The following SLC36A1 variants were observed in gnomAD, a reference collection of about 807,000 sequenced individuals.
SLC36A1 encodes proton-coupled amino acid transporter 1.
Under a neutral mutation model 47.5 loss-of-function variants are expected in SLC36A1, and 30 were observed. That is an observed-to-expected ratio of 0.63 (90% CI 0.47 to 0.86). The LOEUF (loss-of-function observed/expected upper bound fraction) is 0.86. SLC36A1 is among the 40% of genes least tolerant of loss of function. The pLI is 0.00. For synonymous variants in SLC36A1, 255 were observed against 249.7 expected (o/e 1.02, Z -0.20); for missense variants, 517 against 606.0 (o/e 0.85, Z 1.54).
intron 10 of SLC36A1, chr5:151,480,128 A>G (rs957405137): frequency 1.4e-6 from 2 of 1,464,988 alleles, no homozygotes; most frequent in Admixed American, 2.9e-5. Context: ...AGAAAATAAA[A>G]GTAAATTTTT....
chr5:151,534,737 A>C, the SLC36A1 span: 3 of 1,088,084 alleles, frequency 2.8e-6, no homozygotes, highest in African/African-American at 1.6e-5. Flanking sequence ...ACCCAGCCAC[A>C]CAGAGTTTTG....
chr5:151,351,242 A>G, the SLC36A1 span, among the ~76,000 whole-genome samples: 52 of 152,256 alleles, frequency 3.4e-4, no homozygotes, highest in Non-Finnish European at 6.3e-4. Flanking sequence ...AGGAGAAGGA[A>G]CACAGTGAGT....
At chr5:151,347,535 G>C in the SLC36A1 span, 5 of 1,568,294 alleles carry the variant, frequency 3.2e-6, no homozygotes, top group Non-Finnish European at 4.4e-6. Flanking sequence ...AAGGTGTCTA[G>C]TGTAGATGTA....
the SLC36A1 span, chr5:151,510,205 G>A: frequency 2.9e-5 from 46 of 1,611,706 alleles, no homozygotes; most frequent in African/African-American, 1.3e-4. Flanking sequence ...GTGAGAGACC[G>A]CACTGGCCTA....
At chr5:151,417,608 T>G in the SLC36A1 span, among the ~76,000 whole-genome samples, 1 of 152,182 alleles carries the variant, frequency 6.6e-6, no homozygotes, top group South Asian at 2.1e-4. Flanking sequence ...AGCAAAGCAC[T>G]CAAGAGGTAA....
chr5:151,549,978 C>T, the SLC36A1 span, among the ~76,000 whole-genome samples: 3 of 152,124 alleles, frequency 2.0e-5, no homozygotes, highest in African/African-American at 4.8e-5. Flanking sequence ...ATCTTTAAGA[C>T]AGGAGGCCAG....
the SLC36A1 span, among the ~76,000 whole-genome samples, chr5:151,386,718 A>G: frequency 6.6e-6 from 1 of 152,116 alleles, no homozygotes; most frequent in African/African-American, 2.4e-5. Flanking sequence ...ACAGAAAACA[A>G]TTGGTGGAAA....
chr5:151,403,612 T>C, the SLC36A1 span, among the ~76,000 whole-genome samples: 2 of 152,192 alleles, frequency 1.3e-5, no homozygotes, highest in Non-Finnish European at 2.9e-5. Flanking sequence ...ATAAAACCTT[T>C]CTTCTTAAAA....
chr5:151,431,121 C>G, the SLC36A1 span: 4 of 152,124 alleles, frequency 2.6e-5, no homozygotes, highest in Admixed American at 6.5e-5. Context: ...ATTATTTTTG[C>G]TACTAACACA....
downstream of SLC36A1, among the ~76,000 whole-genome samples, chr5:151,494,906 A>G (rs1760294619): frequency 6.6e-6 from 1 of 152,068 alleles, no homozygotes; most frequent in Non-Finnish European, 1.5e-5. Context: ...GCTCAAATAT[A>G]CTCTATATTT....
intron 1 of SLC36A1, among the ~76,000 whole-genome samples, chr5:151,457,435 T>C (rs1045216299): frequency 2.6e-5 from 4 of 152,116 alleles, no homozygotes; most frequent in African/African-American, 9.7e-5. Context: ...GTAGTATTAA[T>C]AGTATTCCTG....
the SLC36A1 span, among the ~76,000 whole-genome samples, chr5:151,546,586 C>A: frequency 6.6e-6 from 1 of 152,134 alleles, no homozygotes; most frequent in South Asian, 2.1e-4. Flanking sequence ...AGCTACAAAC[C>A]AAAGCTATAG....
the SLC36A1 span, chr5:151,382,133 CA>C: frequency 1.1e-6 from 1 of 905,096 alleles, no homozygotes; most frequent in Non-Finnish European, 1.8e-6. Context: ...ACGACCCTTT[CA>C]AGCACAGTGC....
At chr5:151,527,177 G>C in the SLC36A1 span, 1 of 1,528,030 alleles carries the variant, frequency 6.5e-7, no homozygotes, top group South Asian at 1.3e-5. Flanking sequence ...GGCATCTTCT[G>C]CTAGAAGGGA....
the SLC36A1 span, among the ~76,000 whole-genome samples, chr5:151,353,909 A>G: frequency 6.6e-6 from 1 of 152,096 alleles, no homozygotes; most frequent in Non-Finnish European, 1.5e-5. Context: ...TTTCCTTTTA[A>G]TGCTGAATAA....
the SLC36A1 span, among the ~76,000 whole-genome samples, chr5:151,370,026 C>T: frequency 6.6e-6 from 1 of 151,968 alleles, no homozygotes; most frequent in Non-Finnish European, 1.5e-5. Flanking sequence ...GTCTCGAACT[C>T]CTGACCTCAA....
chr5:151,439,287 G>A (rs1430819686), intron 1 of SLC36A1, among the ~76,000 whole-genome samples: 4 of 152,050 alleles, frequency 2.6e-5, no homozygotes, highest in Non-Finnish European at 4.4e-5. Context: ...ATGAGATTTG[G>A]GTGGGGACAC....
chr5:151,436,247 TC>T (rs1437728000), upstream of SLC36A1, among the ~76,000 whole-genome samples: 1 of 152,164 alleles, frequency 6.6e-6, no homozygotes, highest in Non-Finnish European at 1.5e-5. Flanking sequence ...AAACATCACC[TC>T]CCTCACATAC....
At chr5:151,509,156 T>A in the SLC36A1 span, among the ~76,000 whole-genome samples, 2 of 152,176 alleles carry the variant, frequency 1.3e-5, no homozygotes, top group Non-Finnish European at 2.9e-5. Context: ...TTTCCCCAGG[T>A]CACTGGGAAG....
Sources: gnomAD v4.1 joint callset for allele counts (sites outside exome capture counted in the v4.1 genomes callset) on GRCh38, gnomAD v4.1.1 for gene constraint, MANE v1.5 for transcripts, NCBI Gene and HGNC (gene_info 2026-07-23, HGNC 2026-07-21) for gene names.